The following PDXDC1 variants were observed in gnomAD, a reference collection of about 807,000 sequenced individuals.
PDXDC1 encodes the protein pyridoxal-dependent decarboxylase domain-containing protein 1.
A neutral mutation model predicts 100.1 loss-of-function variants in PDXDC1; 42 were observed. The ratio of observed to expected loss-of-function variants is 0.42; its 90% CI spans 0.33 to 0.54. The LOEUF (loss-of-function observed/expected upper bound fraction) is 0.54, where lower values mean the gene tolerates loss of function less well. Among genes scored for constraint, PDXDC1 ranks in the 20% least tolerant of loss-of-function variants. The probability of loss-of-function intolerance (pLI) is 0.10; values close to 1 mark genes in which losing one functional copy is unlikely to be tolerated. For missense variants in PDXDC1, 636 were observed against 979.2 expected (o/e 0.65, Z 4.68); for synonymous variants, 260 against 371.7 (o/e 0.70, Z 3.46).
chr16:15,148,370 A>ATTTTTTTTTTTTTTTTT, the PDXDC1 span, among the ~76,000 whole-genome samples: 4 of 34,118 alleles, frequency 1.2e-4, no homozygotes, highest in African/African-American at 2.4e-4. Flanking sequence ...AGATCCTGTG[A>ATTTTTTTTTTTTTTTTT]TTTTTTTTTT....
At chr16:15,004,087 T>C in intron 4 of PDXDC1, 100 bp from the exon 5 acceptor site, 1 of 1,132,186 alleles carries the variant, frequency 8.8e-7, no homozygotes, top group Admixed American at 2.1e-5. Context: ...GGCCATTAAG[T>C]AGATTTCGAG....
the PDXDC1 span, among the ~76,000 whole-genome samples, chr16:15,145,470 G>A: frequency 6.6e-6 from 1 of 152,266 alleles, no homozygotes; most frequent in Non-Finnish European, 1.5e-5. Context: ...GCTGGCTTCC[G>A]CCTCTGCCTG....
intron 16 of PDXDC1, chr16:15,074,750 A>G (rs1363347340): frequency 6.2e-7 from 1 of 1,614,076 alleles, no homozygotes; most frequent in Non-Finnish European, 8.5e-7. Flanking sequence ...TCCTTCATGT[A>G]GGACAAAACC....
chr16:14,999,483 A>C (rs1972695321), intron 3 of PDXDC1, among the ~76,000 whole-genome samples: 1 of 152,108 alleles, frequency 6.6e-6, no homozygotes, highest in African/African-American at 2.4e-5. Context: ...CTGAGGCAGG[A>C]GGATGGCTTG....
intron 3 of PDXDC1, among the ~76,000 whole-genome samples, chr16:15,000,633 A>G (rs1972941969): frequency 6.6e-6 from 1 of 152,296 alleles, no homozygotes; most frequent in Admixed American, 6.5e-5. Context: ...AGCCGTTCGA[A>G]TTCTTTTCGT....
chr16:15,027,117 T>C (rs2042666791), intron 14 of PDXDC1, among the ~76,000 whole-genome samples: 1 of 152,294 alleles, frequency 6.6e-6, no homozygotes, highest in African/African-American at 2.4e-5. Flanking sequence ...CCCTGTCAAC[T>C]GACCTCTGAC....
At chr16:15,015,931 G>C in intron 8 of PDXDC1, 198 bp from the exon 9 acceptor site, 1 of 1,220,726 alleles carries the variant, frequency 8.2e-7, no homozygotes, top group Non-Finnish European at 1.1e-6. Flanking sequence ...ATGTAATAGA[G>C]ATTACATACT....
At chr16:15,087,554 G>T (rs1207223802) in intron 16 of PDXDC1, among the ~76,000 whole-genome samples, 2 of 152,082 alleles carry the variant, frequency 1.3e-5, no homozygotes, top group Non-Finnish European at 2.9e-5. Flanking sequence ...CCATATCCAT[G>T]TGTCAAACTC....
intron 16 of PDXDC1, among the ~76,000 whole-genome samples, chr16:15,095,124 C>A (rs562071441): frequency 2.6e-5 from 4 of 152,184 alleles, no homozygotes. Flanking sequence ...AAGCATGAGC[C>A]ACCACGCCCG....
chr16:15,074,289 C>A (rs1329060857), intron 16 of PDXDC1, among the ~76,000 whole-genome samples: 2 of 152,152 alleles, frequency 1.3e-5, no homozygotes, highest in African/African-American at 2.4e-5. Context: ...TTTCGCCTGG[C>A]AAAGCCTTTA....
Position 15,062,048 on chromosome 16 carries a change from A to T in PDXDC1, c.1399+31992A>T, listed in dbSNP as rs938459450. On this transcript the variant is annotated intron_variant, in intron 16 of 16. Coordinates refer to the PDXDC1 transcript ENST00000535621. ...TTCAAAAGAAAGCCAGTGTAGTGGCACACGCCTGTAGTCCCAGCTACTCAG... is the reference window on the plus strand; with the variant it reads ...TTCAAAAGAAAGCCAGTGTAGTGGCTCACGCCTGTAGTCCCAGCTACTCAG... The T allele has an allele frequency of 1.9e-5, 15 of 779,780 alleles. No homozygotes were observed. In the East Asian group the frequency reaches 4.1e-4, roughly 21 times the overall value. 48.3% of individuals were successfully genotyped at this position (779,780 alleles called of 1,614,324 possible).
the PDXDC1 span, among the ~76,000 whole-genome samples, chr16:15,146,931 T>C: frequency 2.0e-5 from 3 of 152,212 alleles, no homozygotes; most frequent in East Asian, 5.8e-4. Flanking sequence ...GCTGAGAGAC[T>C]GGACCAAGGT....
chr16:15,073,999 T>G (rs1367091848), intron 16 of PDXDC1, among the ~76,000 whole-genome samples: 1 of 152,062 alleles, frequency 6.6e-6, no homozygotes, highest in Non-Finnish European at 1.5e-5. Flanking sequence ...ACACCCAAAT[T>G]CACTAAAAAA....
rs78113842 is a variant in PDXDC1 at position 15,131,199 on chromosome 16, A to T, written c.1400-7680A>T. On this transcript the variant is annotated intron_variant, in intron 16 of 16. Coordinates refer to the PDXDC1 transcript ENST00000535621. ...GGGGCTGGACCACAACGGAGTTGGC[A>T]GAGCTGCGGTGGCCCCGGGCAGCCC... The T allele has an allele frequency of 5.9e-6, 9 of 1,518,508 alleles. No individual in the cohort carries two copies. In the Admixed American group the frequency reaches 1.2e-4, roughly 21 times the overall value. 94.1% of individuals were successfully genotyped at this position (1,518,508 alleles called of 1,614,324 possible).
At chr16:15,054,270 A>C (rs1306437693) in intron 16 of PDXDC1, among the ~76,000 whole-genome samples, 1 of 152,216 alleles carries the variant, frequency 6.6e-6, no homozygotes, top group Non-Finnish European at 1.5e-5. Flanking sequence ...CTGTAACACA[A>C]ACTGGTCCCC....
At chr16:15,136,743 G>C (rs1002639845) in intron 16 of PDXDC1, 20 of 1,567,106 alleles carry the variant, frequency 1.3e-5, no homozygotes, top group Middle Eastern at 4.6e-4. Flanking sequence ...GGCAGAGCGG[G>C]TGCACCGCTG....
chr16:15,059,592 C>A (rs2151748865), intron 16 of PDXDC1, among the ~76,000 whole-genome samples: 1 of 152,262 alleles, frequency 6.6e-6, no homozygotes, highest in African/African-American at 2.4e-5. Flanking sequence ...TGTAAAAATT[C>A]AGCCACTTCT....
At chr16:15,149,480 A>C in the PDXDC1 span, among the ~76,000 whole-genome samples, 17 of 152,180 alleles carry the variant, frequency 1.1e-4, no homozygotes, top group Admixed American at 6.5e-4. Flanking sequence ...CCCCCAAGGA[A>C]GCTGTGTCTG....
chr16:15,052,849 T>TA (rs750691431), intron 16 of PDXDC1, among the ~76,000 whole-genome samples: 23 of 151,552 alleles, frequency 1.5e-4, no homozygotes, highest in Non-Finnish European at 1.2e-4. Context: ...AATAAATAAA[T>TA]AATAAAAGCA....
Sources: allele counts gnomAD v4.1 joint callset (sites outside exome capture counted in the v4.1 genomes callset), GRCh38; gene constraint gnomAD v4.1.1; transcripts MANE v1.5; gene names NCBI Gene and HGNC (gene_info 2026-07-23, HGNC 2026-07-21).